ACTN2: variants seen among roughly 807,000 people sequenced by gnomAD.
ACTN2 encodes the protein actinin alpha 2.
A neutral mutation model predicts 113.8 loss-of-function variants in ACTN2; 39 were observed. That is an observed-to-expected ratio of 0.34 (90% CI 0.27 to 0.45). ACTN2 has a LOEUF of 0.45. ACTN2 is among the 20% of genes least tolerant of loss of function. The probability of loss-of-function intolerance (pLI) is 1.00; values close to 1 mark genes in which losing one functional copy is unlikely to be tolerated. For synonymous variants in ACTN2, 429 were observed against 444.1 expected, an observed-to-expected ratio of 0.97 and a Z score of 0.43; for missense variants, 992 against 1,177.9, an observed-to-expected ratio of 0.84 and a Z score of 2.31.
intron 1 of ACTN2, among the ~76,000 whole-genome samples, chr1:236,690,537 T>G (rs373433057): frequency 1.3e-5 from 2 of 152,336 alleles, no homozygotes; most frequent in South Asian, 2.1e-4. Flanking sequence ...TAAATACCTG[T>G]CTTTCTTAAC....
intron 1 of ACTN2, among the ~76,000 whole-genome samples, chr1:236,701,960 G>C (rs1409203439): frequency 6.6e-6 from 1 of 152,188 alleles, no homozygotes; most frequent in African/African-American, 2.4e-5. Context: ...AATCATGTCA[G>C]AAATGCCTGA....
Position 236,737,298 on chromosome 1 carries a change from CATATAT to C in ACTN2, c.876+99_876+104del, listed in dbSNP as rs67318171. The C allele has an allele frequency of 1.9e-4, 65 of 344,134 alleles. 3 individuals carry two copies. Among genetic ancestry groups the C allele is most frequent in the South Asian group, 3.3e-4 (16 of 47,810 alleles). The allele number at this position is 344,134 out of a possible 1,614,324, so 21.3% of individuals were successfully genotyped here. A position where few individuals can be genotyped will look rare whatever the true frequency, so the allele number is the denominator to read the frequency against. The stretch of plus-strand genomic sequence containing the variant: ...AGGGTGAAAAAATACTCCGTGGGGG[CATATAT>C]ATATATATATATATTTTGCATTTTT... On this transcript the variant is annotated intron_variant, in intron 9 of 20. Transcript: ENST00000366578.
At chr1:236,721,491 C>T (rs947449) in intron 4 of ACTN2, among the ~76,000 whole-genome samples, 136,326 of 152,106 alleles carry the variant, frequency 0.9, 62,369 homozygotes, top group Non-Finnish European at 0.99. Context: ...AAAAGTCAAA[C>T]TAAAATCTAA....
chr1:236,761,995 C>G (rs1339448440), intron 20 of ACTN2, among the ~76,000 whole-genome samples: 1 of 152,198 alleles, frequency 6.6e-6, no homozygotes, highest in East Asian at 1.9e-4. Flanking sequence ...TCCAACCCCA[C>G]TAAGAAACTT....
intron 9 of ACTN2, 60 bp downstream of exon 9, chr1:236,737,274 G>C: frequency 1.0e-6 from 1 of 955,052 alleles, no homozygotes; most frequent in South Asian, 1.3e-5. Context: ...GAGGCACAGA[G>C]GGTGAAAAAA....
At chr1:236,750,507 G>C (rs1203446422) in intron 14 of ACTN2, among the ~76,000 whole-genome samples, 1 of 152,188 alleles carries the variant, frequency 6.6e-6, no homozygotes, top group Non-Finnish European at 1.5e-5. Flanking sequence ...TCAAAGCTCT[G>C]TTGGCAGCTG....
intron 1 of ACTN2, among the ~76,000 whole-genome samples, chr1:236,700,531 C>T (rs12736189): frequency 0.086 from 13,051 of 152,206 alleles, 707 homozygotes; most frequent in Middle Eastern, 0.14. Flanking sequence ...GCCCTCTCCT[C>T]GTACTGCACC....
At chr1:236,744,270 G>T (rs546825350) in intron 11 of ACTN2, among the ~76,000 whole-genome samples, 1 of 152,320 alleles carries the variant, frequency 6.6e-6, no homozygotes, top group Admixed American at 6.5e-5. Context: ...AGCATCCCTG[G>T]TAGCTCTTGG....
At chr1:236,729,134 G>A (rs191126259) in intron 6 of ACTN2, among the ~76,000 whole-genome samples, 19 of 152,134 alleles carry the variant, frequency 1.2e-4, no homozygotes, top group Admixed American at 2.6e-4. Context: ...TTAGCTAGGC[G>A]TGGTGGCAGG....
intron 3 of ACTN2, among the ~76,000 whole-genome samples, chr1:236,719,750 G>A (rs1438618943): frequency 1.3e-5 from 2 of 151,820 alleles, no homozygotes; most frequent in Non-Finnish European, 2.9e-5. Context: ...AGTGAGCCAC[G>A]GTTGTGTCAC....
chr1:236,744,613 A>T lies in ACTN2; in HGVS notation c.1256-13A>T, dbSNP rs778085872. On this transcript the variant is annotated splice_polypyrimidine_tract_variant and intron_variant, in intron 11 of 20. Transcript: ENST00000366578. ...CTCAGCATATTCATACTTTCTTGCT[A>T]CCACCTTTGCAGGCAAAGAGCAGAT... is the stretch of plus-strand genomic sequence containing the variant. The T allele has an allele frequency of 3.7e-5, 59 of 1,613,832 alleles. No homozygotes were observed. The highest frequency in any genetic ancestry group is 4.7e-5 in the Non-Finnish European group (56 of 1,179,996).
At chr1:236,726,995 A>G (rs1658569782) in intron 5 of ACTN2, among the ~76,000 whole-genome samples, 1 of 151,988 alleles carries the variant, frequency 6.6e-6, no homozygotes, top group African/African-American at 2.4e-5. Flanking sequence ...CCTTCCCCAG[A>G]CCCTTTGAGG....
chr1:236,709,226 A>ATATATG (rs1558227363), intron 1 of ACTN2, among the ~76,000 whole-genome samples: 4 of 42,412 alleles, frequency 9.4e-5, no homozygotes, highest in East Asian at 7.8e-4. Flanking sequence ...GACTGTATAT[A>ATATATG]TATATATATA....
rs536438748 is a variant in ACTN2, at chr1:236,729,364, A to C, written c.615+1608A>C. 9.3e-4 allele frequency among the ~76,000 whole-genome samples: 141 copies of C among 152,272 alleles called. 5 individuals carry two copies. The South Asian group carries it at 0.029, about 31-fold the overall frequency. On this transcript the variant is annotated intron_variant, in intron 6 of 20. Transcript: ENST00000366578. ...AGAAAGAATGGTGTGTAAAGACTTA[A>C]GGGTAAAAGCAAGGCCCACCCTTAC...
chr1:236,744,006 C>G (rs541198341), intron 11 of ACTN2, among the ~76,000 whole-genome samples: 2 of 152,182 alleles, frequency 1.3e-5, no homozygotes, highest in South Asian at 4.1e-4. Flanking sequence ...CTTCCAATTT[C>G]ATAGAATTCT....
Position 236,709,230 on chromosome 1 carries a change from A to ATG in ACTN2, c.127-8627_127-8626insGT, listed in dbSNP as rs1558227367. The stretch of plus-strand genomic sequence containing the variant: ...TCATGACAAATGACTGTATATATAT[A>ATG]TATATATATATATATATATATATAT... On this transcript the variant is annotated intron_variant, in intron 1 of 20. Coordinates refer to ENST00000366578, the MANE Select transcript of ACTN2 (RefSeq NM_001103.4). Among the ~76,000 whole-genome samples the ATG allele has an allele frequency of 4.2e-4, 26 of 61,910 alleles. 1 individual carries two copies. The highest frequency in any genetic ancestry group is 9.6e-4 in the African/African-American group (23 of 23,870). The allele number at this position is 61,910 out of a possible 152,430, so 40.6% of individuals were successfully genotyped here.
chr1:236,741,978 T>A (rs1379413480), intron 10 of ACTN2, among the ~76,000 whole-genome samples: 1 of 152,194 alleles, frequency 6.6e-6, no homozygotes, highest in Non-Finnish European at 1.5e-5. Flanking sequence ...CCTGCCGTCC[T>A]TCCCGCACGC....
chr1:236,739,250 G>A, intron 9 of ACTN2, 52 bp from the exon 10 acceptor site: 2 of 1,574,178 alleles, frequency 1.3e-6, no homozygotes, highest in South Asian at 2.2e-5. Flanking sequence ...TTTTTAACTG[G>A]GGGAGGGGGC....
intron 1 of ACTN2, among the ~76,000 whole-genome samples, chr1:236,708,882 C>T (rs1385188558): frequency 6.6e-6 from 1 of 152,088 alleles, no homozygotes; most frequent in African/African-American, 2.4e-5. Flanking sequence ...CTTTGACCTT[C>T]CTCTTCCACT....
Sources: allele counts gnomAD v4.1 joint callset (sites outside exome capture counted in the v4.1 genomes callset), GRCh38; gene constraint gnomAD v4.1.1; transcripts MANE v1.5; gene names NCBI Gene and HGNC (gene_info 2026-07-23, HGNC 2026-07-21).